Variants in IGFL2 observed in about 807,000 individuals in gnomAD.
IGFL2 encodes IGF like family member 2.
In IGFL2, 7 loss-of-function variants were observed where a neutral mutation model predicts 13.9. The ratio of observed to expected loss-of-function variants is 0.51; its 90% CI spans 0.29 to 0.95. The LOEUF (loss-of-function observed/expected upper bound fraction) is 0.95, where lower values mean the gene tolerates loss of function less well. Ranked by LOEUF, IGFL2 falls within the 40% of genes least tolerant of loss-of-function variation. IGFL2 has a pLI of 0.08. For synonymous variants in IGFL2, 55 were observed against 55.8 expected, an observed-to-expected ratio of 0.99 and a Z score of 0.07; for missense variants, 138 against 147.8, an observed-to-expected ratio of 0.93 and a Z score of 0.34.
chr19:46,211,414 T>TGG, the IGFL2 span, among the ~76,000 whole-genome samples: 1 of 152,160 alleles, frequency 6.6e-6, no homozygotes, highest in Non-Finnish European at 1.5e-5. Flanking sequence ...CCTGCACACC[T>TGG]GAAATTCCAC....
At chr19:46,080,845 C>T in the IGFL2 span, among the ~76,000 whole-genome samples, 1 of 152,256 alleles carries the variant, frequency 6.6e-6, no homozygotes, top group Admixed American at 6.5e-5. Context: ...ACTCTCCGGG[C>T]AGGCTGCCCA....
At chr19:46,136,818 C>G in the IGFL2 span, 110 of 692,394 alleles carry the variant, frequency 1.6e-4, no homozygotes, top group Non-Finnish European at 2.7e-4. Context: ...AAGCTGAAAT[C>G]CACTAAAGTC....
chr19:46,142,593 AATT>A (rs1194158147), upstream of IGFL2, among the ~76,000 whole-genome samples: 3 of 152,220 alleles, frequency 2.0e-5, no homozygotes, highest in Non-Finnish European at 2.9e-5. Flanking sequence ...TCTATGTTTA[AATT>A]ATTATATGAA....
At chr19:46,171,448 T>C in the IGFL2 span, among the ~76,000 whole-genome samples, 1 of 152,226 alleles carries the variant, frequency 6.6e-6, no homozygotes, top group African/African-American at 2.4e-5. Flanking sequence ...AGATAATCTC[T>C]ACTGATAAAA....
chr19:46,198,664 C>A, the IGFL2 span, among the ~76,000 whole-genome samples: 1 of 152,248 alleles, frequency 6.6e-6, no homozygotes, highest in Non-Finnish European at 1.5e-5. Context: ...CAGGTTGACA[C>A]CATCCAGTCT....
At chr19:46,127,820 C>A in the IGFL2 span, among the ~76,000 whole-genome samples, 23 of 151,864 alleles carry the variant, frequency 1.5e-4, no homozygotes, top group Non-Finnish European at 2.5e-4. Flanking sequence ...TATTGGGGTA[C>A]AGGTGGTATT....
the IGFL2 span, chr19:46,113,383 G>C: frequency 7.9e-6 from 3 of 377,398 alleles, no homozygotes; most frequent in Admixed American, 3.4e-5. Context: ...ATAAAAACAG[G>C]AAAGGATCAA....
chr19:46,168,914 G>A, the IGFL2 span, among the ~76,000 whole-genome samples: 19 of 120,492 alleles, frequency 1.6e-4, no homozygotes, highest in Middle Eastern at 9.2e-3. Flanking sequence ...GTGTGTGTGT[G>A]TATGTGTGTG....
chr19:46,190,745 TG>T, the IGFL2 span, among the ~76,000 whole-genome samples: 1 of 152,098 alleles, frequency 6.6e-6, no homozygotes, highest in Admixed American at 6.5e-5. Flanking sequence ...CCTTCCCCCA[TG>T]GGGGGTGGGG....
chr19:46,080,583 TAAAG>T, the IGFL2 span, among the ~76,000 whole-genome samples: 2 of 152,218 alleles, frequency 1.3e-5, no homozygotes, highest in Non-Finnish European at 2.9e-5. Flanking sequence ...AATCATGAGT[TAAAG>T]AAATAACTTT....
the IGFL2 span, among the ~76,000 whole-genome samples, chr19:46,176,971 C>T: frequency 1.3e-5 from 2 of 152,194 alleles, no homozygotes; most frequent in Admixed American, 6.5e-5. Flanking sequence ...TCTAAGCACA[C>T]GCATTACCCT....
chr19:46,162,445 G>A (rs1246680069), downstream of IGFL2, among the ~76,000 whole-genome samples: 2 of 152,144 alleles, frequency 1.3e-5, no homozygotes, highest in Non-Finnish European at 2.9e-5. Flanking sequence ...CATAAATTTA[G>A]CCTGTTTACA....
In IGFL2 at chr19:46,160,731, G is replaced by T; in HGVS notation, c.191G>T (p.Arg64Leu). 1 of 1,614,010 alleles carries T rather than the reference G, an allele frequency of 6.2e-7. No individual in the cohort carries two copies. Among genetic ancestry groups the T allele is most frequent in the African/African-American group, 1.3e-5 (1 of 74,982 alleles). Reference protein sequence around the residue: ...NDAIVSLSETRQCGPPCTFWP... With the variant: ...NDAIVSLSETLQCGPPCTFWP... ...GCCATCGTGTCCCTGAGCGAGACCC[G>T]CCAATGTGGTCCCCCCTGCACCTTC... is the stretch of plus-strand genomic sequence containing the variant. The change falls in exon 3 of 4, where the codon CGC (arginine) becomes CTC (leucine). Residue 64 changes from arginine to leucine, a missense_variant. By Grantham distance (102) the Arg-to-Leu change is moderately radical. Coordinates refer to ENST00000377693, the MANE Select transcript of IGFL2 (RefSeq NM_001135113.2).
the IGFL2 span, among the ~76,000 whole-genome samples, chr19:46,104,658 G>T: frequency 1.3e-5 from 2 of 152,158 alleles, no homozygotes; most frequent in Admixed American, 1.3e-4. Context: ...TCCTGGACAG[G>T]GGCAAATCCC....
At chr19:46,174,705 G>A in the IGFL2 span, among the ~76,000 whole-genome samples, 1 of 152,192 alleles carries the variant, frequency 6.6e-6, no homozygotes, top group African/African-American at 2.4e-5. Context: ...CCCTGGGGTT[G>A]GGAGCTGTCA....
the IGFL2 span, among the ~76,000 whole-genome samples, chr19:46,099,668 C>T: frequency 6.6e-6 from 1 of 151,956 alleles, no homozygotes; most frequent in Non-Finnish European, 1.5e-5. Flanking sequence ...GCTGGTATTA[C>T]AGGCGCCTGC....
At chr19:46,186,670 A>G in the IGFL2 span, among the ~76,000 whole-genome samples, 1 of 152,238 alleles carries the variant, frequency 6.6e-6, no homozygotes, top group Non-Finnish European at 1.5e-5. Flanking sequence ...TCCAGAAGAT[A>G]TTACAAGAAG....
chr19:46,181,982 T>A, the IGFL2 span, among the ~76,000 whole-genome samples: 1 of 152,190 alleles, frequency 6.6e-6, no homozygotes, highest in Non-Finnish European at 1.5e-5. Flanking sequence ...TCTCCTATAA[T>A]ACATGTTCAC....
the IGFL2 span, among the ~76,000 whole-genome samples, chr19:46,083,535 AG>A: frequency 6.6e-6 from 1 of 152,254 alleles, no homozygotes; most frequent in African/African-American, 2.4e-5. Flanking sequence ...AGGTGCGATG[AG>A]AGAATACCAA....
Sources: gnomAD v4.1 joint callset for allele counts (sites outside exome capture counted in the v4.1 genomes callset) on GRCh38, gnomAD v4.1.1 for gene constraint, MANE v1.5 for transcripts, NCBI Gene and HGNC (gene_info 2026-07-23, HGNC 2026-07-21) for gene names.